The following UGT3A1 variants were observed in gnomAD, a reference collection of about 807,000 sequenced individuals.
UGT3A1 encodes UDP glycosyltransferase family 3 member A1.
In UGT3A1, 40 loss-of-function variants were observed where a neutral mutation model predicts 37.6. The ratio of observed to expected loss-of-function variants is 1.06; its 90% CI spans 0.83 to 1.38. The LOEUF (loss-of-function observed/expected upper bound fraction) is 1.38, where lower values mean the gene tolerates loss of function less well. Among genes scored for constraint, UGT3A1 ranks in the 40% most tolerant of loss-of-function variants. The pLI is 0.00. For synonymous variants in UGT3A1, 256 were observed against 232.3 expected, an observed-to-expected ratio of 1.10 and a Z score of -0.93; for missense variants, 642 against 634.2, an observed-to-expected ratio of 1.01 and a Z score of -0.13.
chr5:35,965,728 G>T lies in UGT3A1; in HGVS notation c.501C>A (p.Pro167=). 1 of 1,614,204 alleles carries T rather than the reference G, an allele frequency of 6.2e-7. No homozygotes were observed. Among genetic ancestry groups the T allele is most frequent in the South Asian group, 1.1e-5 (1 of 91,070 alleles). The change falls in exon 4 of 7, where the codon CCC becomes CCA. Residue 167 remains proline (P), a synonymous_variant. Transcript: ENST00000274278. ...CAAAATCCAAAGAGCCGAATGTGGT[G>T]GGAAGAATGGCCACAAATGGTTTCA... ...KLVKPFVAIL[P]TTFGSLDFGL...
chr5:35,964,672 T>A (rs895358396), intron 4 of UGT3A1, among the ~76,000 whole-genome samples: 2 of 152,046 alleles, frequency 1.3e-5, no homozygotes, highest in Non-Finnish European at 2.9e-5. Context: ...TGAACACACC[T>A]CCCTATAGAT....
Position 35,981,958 on chromosome 5 carries a change from C to T in UGT3A1, c.196+6492G>A, listed in dbSNP as rs80264844. On this transcript the variant is annotated intron_variant, in intron 2 of 6. Transcript: ENST00000274278. Reference sequence around the variant, plus strand: ...GCACCCCTAGCTGTTCCAGCTCCAGCCACAGCTAAAAGAGGCCCAGGTACA... The same window carrying T: ...GCACCCCTAGCTGTTCCAGCTCCAGTCACAGCTAAAAGAGGCCCAGGTACA... 2.0e-3 allele frequency among the ~76,000 whole-genome samples: 301 copies of T among 152,322 alleles called. 9 individuals are homozygous for T. The East Asian group carries it at 0.053, about 27-fold the overall frequency.
At chr5:35,976,887 G>GGGAAGGAAGGAAGGAAGGAA (rs142548507) in intron 2 of UGT3A1, among the ~76,000 whole-genome samples, 1 of 135,400 alleles carries the variant, frequency 7.4e-6, no homozygotes, top group East Asian at 2.1e-4. Flanking sequence ...GAGAGAGGAA[G>GGGAAGGAAGGAAGGAAGGAA]GGAAGGAAGG....
upstream of UGT3A1, among the ~76,000 whole-genome samples, chr5:35,993,980 C>T (rs760136883): frequency 3.3e-5 from 5 of 151,998 alleles, no homozygotes; most frequent in Non-Finnish European, 5.9e-5. Context: ...TCAAGGAGGG[C>T]GAGCCTATCT....
chr5:35,965,800 A>G lies in UGT3A1; in HGVS notation c.429T>C (p.Phe143=), dbSNP rs375862166. The G allele has an allele frequency of 6.2e-7, 1 of 1,614,104 alleles. No individual in the cohort carries two copies. Among genetic ancestry groups the G allele is most frequent in the Non-Finnish European group, 8.5e-7 (1 of 1,180,046 alleles). ...AAGAACAGAAATCAAATGCTTCAAC[A>G]AATACCAGATCATAGTTCTCATTCT... ...SLKNENYDLV[F]VEAFDFCSFL... Residue 143 remains phenylalanine, a synonymous_variant, in exon 4 of 7, where the codon TTT becomes TTC. Transcript: ENST00000274278.
At chr5:35,970,038 A>C (rs1414276756) in intron 2 of UGT3A1, among the ~76,000 whole-genome samples, 1 of 152,154 alleles carries the variant, frequency 6.6e-6, no homozygotes, top group Non-Finnish European at 1.5e-5. Flanking sequence ...CATGTCTTAC[A>C]TAGGTGGCAG....
In UGT3A1 at chr5:35,954,249, C is replaced by A. The variant is rs201495649; in HGVS notation, c.1525G>T (p.Val509Leu). 6.2e-7 allele frequency: 1 copy of A among 1,614,220 alleles called. No homozygotes were observed. The highest frequency in any genetic ancestry group is 1.7e-5 in the Admixed American group (1 of 60,028). The change falls in exon 7 of 7, where the codon GTG becomes TTG. Residue 509 changes from valine to leucine, a missense_variant. Transcript: ENST00000274278. ...TMWLCGKLLG[V>L]VARWLRGARK... ...GCCCCACGCAGCCACCTGGCCACCACACCCAGCAGCTTCCCACAAAGCCAC... is the reference window on the plus strand; with the variant it reads ...GCCCCACGCAGCCACCTGGCCACCAAACCCAGCAGCTTCCCACAAAGCCAC...
At chr5:35,993,276 C>T (rs144746304), upstream of UGT3A1, among the ~76,000 whole-genome samples, 1,957 of 152,112 alleles carry the variant, frequency 0.013, 24 homozygotes, top group Non-Finnish European at 0.016. Context: ...CCATCCTGGC[C>T]AACATGGTGA....
intron 4 of UGT3A1, among the ~76,000 whole-genome samples, chr5:35,960,336 T>C (rs4869563): frequency 0.018 from 2,702 of 152,296 alleles, 110 homozygotes; most frequent in East Asian, 0.085. Context: ...GATAGACACA[T>C]GGACCAGTGG....
In UGT3A1 at chr5:35,953,432, A is replaced by G. The variant is rs1026072862; in HGVS notation, c.*770T>C. ...GGTTTTACCATATAGAAGGGTATTA[A>G]CTGCCATGTCGGGGATGGAAGATGG... is the stretch of plus-strand genomic sequence containing the variant. On this transcript the variant is annotated 3_prime_UTR_variant, in exon 7 of 7. Coordinates refer to ENST00000274278, the MANE Select transcript of UGT3A1 (RefSeq NM_152404.4). 1.3e-5 allele frequency: 2 copies of G among 152,348 alleles called. No individual in the cohort carries two copies. Among genetic ancestry groups the G allele is most frequent in the Admixed American group, 6.5e-5 (1 of 15,274 alleles). 9.4% of individuals were successfully genotyped at this position (152,348 alleles called of 1,614,324 possible).
chr5:35,984,338 T>C (rs1740645037), intron 2 of UGT3A1, among the ~76,000 whole-genome samples: 1 of 152,200 alleles, frequency 6.6e-6, no homozygotes, highest in South Asian at 2.1e-4. Flanking sequence ...TTTATATTAT[T>C]CTATCCCTAG....
At position 35,953,906 on chromosome 5, in the gene UGT3A1, A is replaced by C. The variant is rs1739253215; in HGVS notation, c.*296T>G. ...GGACTGGAAACTGGGAAGTCATCTA[A>C]ACAAGGAGGATGAAGTTGTCAGAGT... On this transcript the variant is annotated 3_prime_UTR_variant, in exon 7 of 7. Transcript: ENST00000274278. The C allele has an allele frequency of 3.0e-6, 1 of 338,794 alleles. No individual in the cohort carries two copies. The highest frequency in any genetic ancestry group is 2.1e-5 in the African/African-American group (1 of 48,562). 21.0% of individuals were successfully genotyped at this position (338,794 alleles called of 1,614,324 possible). A position where few individuals can be genotyped will look rare whatever the true frequency, so the allele number is the denominator to read the frequency against.
At chr5:35,964,873 G>A (rs1219344993) in intron 4 of UGT3A1, among the ~76,000 whole-genome samples, 3 of 152,146 alleles carry the variant, frequency 2.0e-5, no homozygotes, top group African/African-American at 7.2e-5. Context: ...GACAAATCAA[G>A]TCAGAAAGTC....
rs995159165 is a variant in UGT3A1, at chr5:35,963,070, TG to T, written c.843+2315del. On this transcript the variant is annotated intron_variant, in intron 4 of 6. Coordinates refer to ENST00000274278, the MANE Select transcript of UGT3A1 (RefSeq NM_152404.4). ...TCTTCCATCTGTTGTCCCTGAGTCCTGGCAACTTTATGGATGCCACCCACAG... is the reference window on the plus strand; with the variant it reads ...TCTTCCATCTGTTGTCCCTGAGTCCTGCAACTTTATGGATGCCACCCACAG... 1.3e-5 allele frequency: 8 copies of T among 631,772 alleles called. No homozygotes were observed. In the Admixed American group the frequency reaches 1.4e-4, roughly 11 times the overall value. 39.1% of individuals were successfully genotyped at this position (631,772 alleles called of 1,614,324 possible).
intron 4 of UGT3A1, among the ~76,000 whole-genome samples, chr5:35,960,145 A>G (rs1739519113): frequency 6.6e-6 from 1 of 152,222 alleles, no homozygotes; most frequent in Non-Finnish European, 1.5e-5. Context: ...TACAAACCCT[A>G]TCAAAATCCC....
At position 35,953,445 on chromosome 5, in the gene UGT3A1, G is replaced by T. The variant is rs896409159; in HGVS notation, c.*757C>A. 3 of 152,344 alleles carry T rather than the reference G, an allele frequency of 2.0e-5. No homozygotes were observed. Among genetic ancestry groups the T allele is most frequent in the African/African-American group, 7.2e-5 (3 of 41,436 alleles). The allele number at this position is 152,344 out of a possible 1,614,324, so 9.4% of individuals were successfully genotyped here. ...AGAAGGGTATTAACTGCCATGTCGG[G>T]GATGGAAGATGGACTTTTTCTAAAA... On this transcript the variant is annotated 3_prime_UTR_variant, in exon 7 of 7. Transcript: ENST00000274278.
At chr5:35,995,544 C>A (rs957300508), upstream of UGT3A1, among the ~76,000 whole-genome samples, 2 of 152,248 alleles carry the variant, frequency 1.3e-5, no homozygotes, top group African/African-American at 4.8e-5. Flanking sequence ...GTCATTCAGA[C>A]CTTTATCAGC....
upstream of UGT3A1, chr5:35,991,440 G>C: frequency 1.4e-6 from 2 of 1,430,306 alleles, no homozygotes; most frequent in Non-Finnish European, 1.8e-6. Context: ...TGCTCCATGG[G>C]ATAATCTGCC....
intron 4 of UGT3A1, among the ~76,000 whole-genome samples, chr5:35,957,783 C>T (rs1739416530): frequency 6.6e-6 from 1 of 152,132 alleles, no homozygotes; most frequent in Non-Finnish European, 1.5e-5. Context: ...ATATTGTAGC[C>T]TAACATACGG....
Sources: gnomAD v4.1 joint callset for allele counts (sites outside exome capture counted in the v4.1 genomes callset) on GRCh38, gnomAD v4.1.1 for gene constraint, MANE v1.5 for transcripts, NCBI Gene and HGNC (gene_info 2026-07-23, HGNC 2026-07-21) for gene names.